OPRM1: variants seen among roughly 807,000 people sequenced by gnomAD.
OPRM1 encodes opioid receptor mu 1.
Under a neutral mutation model 31.8 loss-of-function variants are expected in OPRM1, and 27 were observed. The ratio of observed to expected loss-of-function variants is 0.85; its 90% CI spans 0.63 to 1.17. The LOEUF (loss-of-function observed/expected upper bound fraction) is 1.17. OPRM1 is among the 50% of genes most tolerant of loss of function. OPRM1 has a pLI of 0.00. For synonymous variants in OPRM1, 196 were observed against 189.9 expected (o/e 1.03, Z -0.26); for missense variants, 536 against 511.1 (o/e 1.05, Z -0.47).
intron 3 of OPRM1, among the ~76,000 whole-genome samples, chr6:154,099,308 AAAGG>A (rs1250384082): frequency 2.2e-3 from 192 of 87,228 alleles, no homozygotes; most frequent in Non-Finnish European, 3.3e-3. Flanking sequence ...AGGAAGGAAG[AAAGG>A]AAGGAAGGAA....
chr6:154,015,500 G>A (rs893039770), intron 1 of OPRM1, among the ~76,000 whole-genome samples: 1 of 151,934 alleles, frequency 6.6e-6, no homozygotes, highest in South Asian at 2.1e-4. Flanking sequence ...TCATACATGA[G>A]AATAAATTCC....
exon 1 of OPRM1, chr6:154,010,611 A>G (rs552021090): frequency 1.3e-6 from 2 of 1,521,858 alleles, no homozygotes; most frequent in African/African-American, 2.8e-5. Flanking sequence ...GTGATCTGTC[A>G]CAATATTGTA....
chr6:154,059,617 C>T (rs1448718653), intron 1 of OPRM1, among the ~76,000 whole-genome samples: 1 of 152,180 alleles, frequency 6.6e-6, no homozygotes, highest in East Asian at 1.9e-4. Flanking sequence ...AGAATGCAAG[C>T]TCCTTGAGGA....
intron 3 of OPRM1, among the ~76,000 whole-genome samples, chr6:154,214,531 G>T (rs977551649): frequency 6.6e-6 from 1 of 152,144 alleles, no homozygotes; most frequent in Non-Finnish European, 1.5e-5. Context: ...GCTAAATTAG[G>T]TATTCCAAAT....
intron 1 of OPRM1, among the ~76,000 whole-genome samples, chr6:154,051,711 G>A (rs1287595446): frequency 3.9e-5 from 6 of 152,124 alleles, no homozygotes; most frequent in East Asian, 1.9e-4. Flanking sequence ...AAAGAGGAAC[G>A]CTTTTACACT....
intron 1 of OPRM1, among the ~76,000 whole-genome samples, chr6:154,033,533 G>A (rs527663936): frequency 1.2e-3 from 187 of 152,278 alleles, no homozygotes; most frequent in African/African-American, 4.4e-3. Context: ...GTTCAGGGAG[G>A]GGAGGATGAG....
intron 1 of OPRM1, among the ~76,000 whole-genome samples, chr6:154,081,899 G>A (rs996780449): frequency 1.3e-5 from 2 of 152,120 alleles, no homozygotes; most frequent in African/African-American, 2.4e-5. Context: ...GTGCCTCTTT[G>A]CTTAGTTTCA....
intron 3 of OPRM1, among the ~76,000 whole-genome samples, chr6:154,102,356 G>A (rs1479056271): frequency 6.6e-6 from 1 of 152,162 alleles, no homozygotes; most frequent in Non-Finnish European, 1.5e-5. Flanking sequence ...TAGCTTTGAT[G>A]TAAGCATGAT....
intron 1 of OPRM1, among the ~76,000 whole-genome samples, chr6:154,049,906 G>A (rs1049874171): frequency 1.4e-4 from 22 of 152,176 alleles, no homozygotes; most frequent in Non-Finnish European, 1.6e-4. Flanking sequence ...AATTCTGTTT[G>A]CTAGTATTAT....
At chr6:154,246,604 T>A (rs981730376) in intron 3 of OPRM1, 5 of 1,613,252 alleles carry the variant, frequency 3.1e-6, no homozygotes, top group Non-Finnish European at 4.2e-6. Context: ...TTGATTGCTA[T>A]ACCAGTACAG....
intron 3 of OPRM1, among the ~76,000 whole-genome samples, chr6:154,152,170 C>CAAAAA (rs11404098): frequency 9.3e-6 from 1 of 106,996 alleles, no homozygotes; most frequent in Non-Finnish European, 1.9e-5. Flanking sequence ...ACTTTGAAAA[C>CAAAAA]AAAAAAAAAA....
At chr6:154,202,303 A>C (rs1777135108) in intron 3 of OPRM1, among the ~76,000 whole-genome samples, 1 of 152,218 alleles carries the variant, frequency 6.6e-6, no homozygotes, top group South Asian at 2.1e-4. Flanking sequence ...GTTACCTTAC[A>C]TCACTTAGAT....
chr6:154,107,872 A>T (rs1463511590), intron 3 of OPRM1: 2 of 692,502 alleles, frequency 2.9e-6, no homozygotes, highest in Non-Finnish European at 5.3e-6. Context: ...ACCTCATAAC[A>T]CAAAATACAC....
chr6:154,031,580 C>CAA (rs562279254), intron 1 of OPRM1, among the ~76,000 whole-genome samples: 4,245 of 144,594 alleles, frequency 0.029, 196 homozygotes, highest in African/African-American at 0.1. Flanking sequence ...ACTAAAAATA[C>CAA]AAAAAAAAAA....
chr6:154,056,066 T>C (rs1353774476), intron 1 of OPRM1, among the ~76,000 whole-genome samples: 1 of 152,248 alleles, frequency 6.6e-6, no homozygotes, highest in African/African-American at 2.4e-5. Context: ...TCTGATTCTC[T>C]AATCACAGTA....
intron 1 of OPRM1, among the ~76,000 whole-genome samples, chr6:154,047,426 G>C (rs921671379): frequency 1.3e-5 from 2 of 151,384 alleles, no homozygotes; most frequent in Non-Finnish European, 2.9e-5. Context: ...CAAAGGTGGA[G>C]CGTGGGCAAA....
chr6:154,074,408 GC>G (rs1162515611), intron 1 of OPRM1: 1 of 152,144 alleles, frequency 6.6e-6, no homozygotes. Context: ...TTATGGGTGA[GC>G]CGAAAAGCAG....
rs745863104 is a variant in OPRM1, at chr6:154,039,571, C to G, written c.27C>G (p.Asn9Lys). 6.2e-7 allele frequency: 1 copy of G among 1,613,206 alleles called. No individual in the cohort carries two copies. The highest frequency in any genetic ancestry group is 8.5e-7 in the Non-Finnish European group (1 of 1,179,654). The change falls in exon 1 of 4, where the codon AAC becomes AAG. Residue 9 changes from asparagine (N) to lysine (K), a missense_variant. By Grantham distance (94) the Asn-to-Lys change is moderately conservative. Transcript: ENST00000330432. The part of the protein sequence containing the change: MDSSAAPT[N>K]ASNCTDALAY... ...TGGACAGCAGCGCTGCCCCCACGAA[C>G]GCCAGCAATTGCACTGATGCCTTGG...
At chr6:154,078,305 G>A (rs1003177795) in intron 1 of OPRM1, among the ~76,000 whole-genome samples, 9 of 151,772 alleles carry the variant, frequency 5.9e-5, no homozygotes, top group African/African-American at 1.5e-4. Context: ...TTACCTAATA[G>A]GTACTTAGCA....
Sources: allele counts gnomAD v4.1 joint callset (sites outside exome capture counted in the v4.1 genomes callset), GRCh38; gene constraint gnomAD v4.1.1; transcripts MANE v1.5; gene names NCBI Gene and HGNC (gene_info 2026-07-23, HGNC 2026-07-21).